KLF12: variants seen among roughly 807,000 people sequenced by gnomAD.
KLF12 encodes Krueppel-like factor 12.
A neutral mutation model predicts 37.8 loss-of-function variants in KLF12; 9 were observed. The ratio of observed to expected loss-of-function variants is 0.24; its 90% CI spans 0.14 to 0.42. The LOEUF is 0.42. Ranked by LOEUF, KLF12 falls within the 10% of genes least tolerant of loss-of-function variation. The probability of loss-of-function intolerance (pLI) is 1.00; values close to 1 mark genes in which losing one functional copy is unlikely to be tolerated. For synonymous variants in KLF12, 208 were observed against 202.1 expected (o/e 1.03, Z -0.25); for missense variants, 411 against 516.0 (o/e 0.80, Z 1.97).
intron 6 of KLF12, among the ~76,000 whole-genome samples, chr13:73,730,950 A>C (rs1393230289): frequency 1.3e-5 from 2 of 152,026 alleles, no homozygotes; most frequent in African/African-American, 2.4e-5. Flanking sequence ...TCGTTTTTTT[A>C]GTTTTAGAAG....
chr13:74,217,076 G>A, the KLF12 span, among the ~76,000 whole-genome samples: 1 of 151,666 alleles, frequency 6.6e-6, no homozygotes, highest in Admixed American at 6.6e-5. Context: ...ACATATCTAG[G>A]GATTTCTAAA....
chr13:73,936,790 GA>G (rs1192618987), intron 3 of KLF12, among the ~76,000 whole-genome samples: 1 of 151,968 alleles, frequency 6.6e-6, no homozygotes, highest in Non-Finnish European at 1.5e-5. Flanking sequence ...TCCAATATGT[GA>G]AAAAACATCT....
intron 1 of KLF12, among the ~76,000 whole-genome samples, chr13:74,072,979 C>A (rs564451856): frequency 4.8e-4 from 73 of 152,256 alleles, no homozygotes; most frequent in Non-Finnish European, 9.4e-4. Context: ...TGAATCATGG[C>A]GGTGGGTTCT....
intron 3 of KLF12, among the ~76,000 whole-genome samples, chr13:73,865,180 T>C (rs1298469222): frequency 2.6e-5 from 4 of 152,136 alleles, no homozygotes; most frequent in Non-Finnish European, 5.9e-5. Context: ...AGCTCTATAA[T>C]CACATTATCT....
chr13:74,153,283 A>C, the KLF12 span, among the ~76,000 whole-genome samples: 2 of 152,290 alleles, frequency 1.3e-5, no homozygotes, highest in South Asian at 4.1e-4. Context: ...TCAGCTCATG[A>C]TTCTTTCTCA....
At chr13:74,280,763 T>C in the KLF12 span, among the ~76,000 whole-genome samples, 1 of 152,114 alleles carries the variant, frequency 6.6e-6, no homozygotes, top group African/African-American at 2.4e-5. Context: ...TCTACCCTTT[T>C]CCCTAACAGA....
At chr13:74,176,631 T>C in the KLF12 span, among the ~76,000 whole-genome samples, 1 of 152,206 alleles carries the variant, frequency 6.6e-6, no homozygotes, top group Non-Finnish European at 1.5e-5. Flanking sequence ...ACTGCACTGA[T>C]TTTTTGTCTG....
chr13:73,920,809 CTGAG>C (rs1231397995), intron 3 of KLF12, among the ~76,000 whole-genome samples: 1 of 152,070 alleles, frequency 6.6e-6, no homozygotes, highest in African/African-American at 2.4e-5. Flanking sequence ...CTTTGACTTG[CTGAG>C]TATTTTGAAC....
intron 3 of KLF12, among the ~76,000 whole-genome samples, chr13:73,891,746 G>A (rs568879959): frequency 6.6e-6 from 1 of 152,212 alleles, no homozygotes; most frequent in South Asian, 2.1e-4. Flanking sequence ...TGCTGCATAT[G>A]CAGATGACAA....
intron 3 of KLF12, among the ~76,000 whole-genome samples, chr13:73,864,493 A>G (rs1311546070): frequency 6.6e-6 from 1 of 152,136 alleles, no homozygotes; most frequent in Admixed American, 6.5e-5. Context: ...CAACAATTAT[A>G]TCAGATTGTA....
At chr13:74,069,309 GA>G (rs539513842) in intron 1 of KLF12, among the ~76,000 whole-genome samples, 56 of 152,250 alleles carry the variant, frequency 3.7e-4, no homozygotes, top group African/African-American at 1.3e-3. Flanking sequence ...ACCGATCCTG[GA>G]ACAAATCCCC....
At chr13:74,084,900 A>C (rs1168587551) in intron 1 of KLF12, among the ~76,000 whole-genome samples, 3 of 152,208 alleles carry the variant, frequency 2.0e-5, no homozygotes, top group Non-Finnish European at 4.4e-5. Context: ...ATTAAAAAGC[A>C]TATCAAGTCT....
intron 3 of KLF12, among the ~76,000 whole-genome samples, chr13:73,871,856 A>G (rs941232717): frequency 3.8e-5 from 5 of 131,140 alleles, no homozygotes; most frequent in Non-Finnish European, 8.1e-5. Flanking sequence ...CTGCCTGCAG[A>G]TATCTCTCTT....
chr13:73,936,830 A>G (rs574383560), intron 3 of KLF12, among the ~76,000 whole-genome samples: 1 of 152,190 alleles, frequency 6.6e-6, no homozygotes, highest in Non-Finnish European at 1.5e-5. Context: ...CTAGTTGTTC[A>G]TGGTGGGAGT....
intron 1 of KLF12, among the ~76,000 whole-genome samples, chr13:74,028,926 C>T (rs530949180): frequency 1.3e-5 from 2 of 152,122 alleles, no homozygotes; most frequent in East Asian, 1.9e-4. Context: ...AAAAGGTTTG[C>T]AGTTATCACT....
intron 6 of KLF12, among the ~76,000 whole-genome samples, chr13:73,730,439 C>A (rs1462742990): frequency 6.6e-6 from 1 of 152,148 alleles, no homozygotes; most frequent in Non-Finnish European, 1.5e-5. Context: ...TACCTCCAAG[C>A]CTTTCAGAGG....
chr13:74,164,409 T>G, the KLF12 span, among the ~76,000 whole-genome samples: 1 of 152,204 alleles, frequency 6.6e-6, no homozygotes, highest in Non-Finnish European at 1.5e-5. Context: ...TTGTTTATTC[T>G]TTTTTATATT....
At chr13:73,751,139 C>T (rs897287337) in intron 6 of KLF12, among the ~76,000 whole-genome samples, 1 of 152,130 alleles carries the variant, frequency 6.6e-6, no homozygotes, top group African/African-American at 2.4e-5. Flanking sequence ...ATCCAATCAT[C>T]CGCTGATAGA....
At chr13:74,248,395 G>C in the KLF12 span, among the ~76,000 whole-genome samples, 1 of 152,214 alleles carries the variant, frequency 6.6e-6, no homozygotes, top group Non-Finnish European at 1.5e-5. Flanking sequence ...TAGCCACTTA[G>C]ATTTCTCTGT....
Sources: allele counts gnomAD v4.1 joint callset (sites outside exome capture counted in the v4.1 genomes callset), GRCh38; gene constraint gnomAD v4.1.1; transcripts MANE v1.5; gene names NCBI Gene and HGNC (gene_info 2026-07-23, HGNC 2026-07-21).